Variants in ITPR2 observed in about 807,000 individuals in gnomAD.
ITPR2 encodes the protein inositol 1,4,5-trisphosphate-gated calcium channel ITPR2.
ITPR2 carries 207 observed loss-of-function variants against 317.1 expected under a neutral mutation model. The ratio of observed to expected loss-of-function variants is 0.65; its 90% CI spans 0.58 to 0.73. The LOEUF is 0.73. ITPR2 is among the 30% of genes least tolerant of loss of function. The pLI is 0.00. For synonymous variants in ITPR2, 1,156 were observed against 1,149.1 expected, an observed-to-expected ratio of 1.01 and a Z score of -0.12; for missense variants, 2,613 against 3,284.0, an observed-to-expected ratio of 0.80 and a Z score of 4.99.
chr12:26,400,102 GA>G, intron 53 of ITPR2, 25 bp downstream of exon 53: 1 of 1,576,918 alleles, frequency 6.3e-7, no homozygotes, highest in Non-Finnish European at 8.6e-7. Context: ...TGTGCTCCTT[GA>G]AAAAATACTT....
intron 37 of ITPR2, among the ~76,000 whole-genome samples, chr12:26,539,505 C>T (rs1330378161): frequency 1.3e-5 from 2 of 152,034 alleles, no homozygotes; most frequent in Admixed American, 6.5e-5. Flanking sequence ...CTTGCTTGTT[C>T]CTACTGGATC....
At chr12:26,404,017 C>T (rs1940265660) in intron 52 of ITPR2, among the ~76,000 whole-genome samples, 1 of 152,044 alleles carries the variant, frequency 6.6e-6, no homozygotes. Flanking sequence ...ATATTCAAGG[C>T]AGCGATTTCT....
intron 2 of ITPR2, among the ~76,000 whole-genome samples, chr12:26,738,098 T>C (rs1427503978): frequency 6.6e-6 from 1 of 152,170 alleles, no homozygotes; most frequent in Non-Finnish European, 1.5e-5. Flanking sequence ...GATAGAAGCT[T>C]TACACAGATT....
chr12:26,529,678 G>A (rs1487224859), intron 37 of ITPR2, among the ~76,000 whole-genome samples: 4 of 152,148 alleles, frequency 2.6e-5, no homozygotes, highest in African/African-American at 4.8e-5. Context: ...ATAACCAAAC[G>A]TCTCTAAACT....
At chr12:26,796,044 T>C (rs1199201837) in intron 1 of ITPR2, among the ~76,000 whole-genome samples, 1 of 151,612 alleles carries the variant, frequency 6.6e-6, no homozygotes, top group Non-Finnish European at 1.5e-5. Context: ...ATGTGGTCTA[T>C]GTTCCACTGT....
At chr12:26,419,242 T>C in intron 49 of ITPR2, 29 bp from the exon 50 acceptor site, 1 of 1,601,818 alleles carries the variant, frequency 6.2e-7, no homozygotes, top group Non-Finnish European at 8.5e-7. Flanking sequence ...TACAGATTAC[T>C]GTCTTATTTA....
In ITPR2 at chr12:26,464,171, G is replaced by A. The variant is rs183270267; in HGVS notation, c.6342+11125C>T. The stretch of plus-strand genomic sequence containing the variant: ...AAGCAATTTTTCCATGGACTGGGGC[G>A]TGGGGGGGAATGGTTTTGGGATGAA... On this transcript the variant is annotated intron_variant, in intron 45 of 56. Coordinates refer to ENST00000381340, the MANE Select transcript of ITPR2 (RefSeq NM_002223.4). Among the ~76,000 whole-genome samples the A allele has an allele frequency of 1.3e-3, 201 of 152,268 alleles. 2 individuals carry two copies. In the Middle Eastern group the frequency reaches 0.027, roughly 21 times the overall value.
intron 26 of ITPR2, among the ~76,000 whole-genome samples, chr12:26,615,500 G>C (rs921616363): frequency 1.3e-5 from 2 of 152,014 alleles, no homozygotes; most frequent in African/African-American, 2.4e-5. Flanking sequence ...AATGTAAAAA[G>C]GAAATGAACA....
chr12:26,651,667 T>C (rs941662909), intron 21 of ITPR2, among the ~76,000 whole-genome samples: 3 of 152,204 alleles, frequency 2.0e-5, no homozygotes, highest in Non-Finnish European at 4.4e-5. Context: ...TTCCATTCTG[T>C]TTTGGTCTTA....
At chr12:26,411,110 G>GAAA in intron 52 of ITPR2, 1 of 506,136 alleles carries the variant, frequency 2.0e-6, no homozygotes, top group Non-Finnish European at 3.6e-6. Context: ...CTCCTGAATA[G>GAAA]AAACAATATA....
chr12:26,824,767 C>G lies in ITPR2; in HGVS notation c.92+7923G>C, dbSNP rs150500941. Reference sequence around the variant, plus strand: ...ACTCACCATAAAGGGTCAACCACTGCTAATATGCTGTTCTATTTTCCATAT... The same window carrying G: ...ACTCACCATAAAGGGTCAACCACTGGTAATATGCTGTTCTATTTTCCATAT... On this transcript the variant is annotated intron_variant, in intron 1 of 56. Coordinates refer to ENST00000381340, the MANE Select transcript of ITPR2 (RefSeq NM_002223.4). Among the ~76,000 whole-genome samples the G allele has an allele frequency of 9.3e-3, 1,415 of 152,190 alleles. 17 individuals carry two copies. Among genetic ancestry groups the G allele is most frequent in the African/African-American group, 0.032 (1,325 of 41,510 alleles).
At chr12:26,447,294 A>AAATCAGATGATGGTACAAATTCCAGTATT in intron 45 of ITPR2, among the ~76,000 whole-genome samples, 1 of 152,144 alleles carries the variant, frequency 6.6e-6, no homozygotes, top group Admixed American at 6.6e-5. Flanking sequence ...ATCTGATTAG[A>AAATCAGATGATGGTACAAATTCCAGTATT]AATCAGATGA....
chr12:26,781,902 T>C (rs899340244), intron 2 of ITPR2, among the ~76,000 whole-genome samples: 1 of 151,214 alleles, frequency 6.6e-6, no homozygotes, highest in East Asian at 1.9e-4. Flanking sequence ...GGATGCTTCC[T>C]GCCCTCAAAG....
chr12:26,755,373 G>A (rs1949502005), intron 2 of ITPR2, among the ~76,000 whole-genome samples: 1 of 152,166 alleles, frequency 6.6e-6, no homozygotes, highest in Non-Finnish European at 1.5e-5. Context: ...AAAACTTTCA[G>A]GACTCATGGA....
At position 26,387,526 on chromosome 12, in the gene ITPR2, T is replaced by C. The variant is rs1939701029; in HGVS notation, c.7765A>G (p.Met2589Val). 6.2e-7 allele frequency: 1 copy of C among 1,613,858 alleles called. No individual in the cohort carries two copies. Among genetic ancestry groups the C allele is most frequent in the Non-Finnish European group, 8.5e-7 (1 of 1,179,838 alleles). ...FEEHIKSEHNMWHYLYFIVLV... is the reference protein window; with the variant it reads ...FEEHIKSEHNVWHYLYFIVLV... ...ACTATGAAGTACAAATAATGCCACA[T>C]ATTGTGTTCTGACTTAATGTGCTCC... is the stretch of plus-strand genomic sequence containing the variant. Residue 2589 changes from methionine to valine, a missense_variant, in exon 55 of 57, where the codon ATG becomes GTG. Met to Val is a conservative substitution (Grantham distance 21). This residue lies in a region of ITPR2 where 119 missense variants were observed against 144.3 expected (regional missense o/e 0.82). Transcript: ENST00000381340.
intron 37 of ITPR2, among the ~76,000 whole-genome samples, chr12:26,535,746 C>T (rs940028207): frequency 3.9e-5 from 6 of 152,276 alleles, no homozygotes; most frequent in Middle Eastern, 3.4e-3. Flanking sequence ...TCAAATTAGA[C>T]ATTATATGGC....
intron 8 of ITPR2, among the ~76,000 whole-genome samples, chr12:26,714,882 G>T (rs1450349204): frequency 6.6e-6 from 1 of 152,154 alleles, no homozygotes; most frequent in Admixed American, 6.5e-5. Flanking sequence ...AATAAACATT[G>T]TTCTCCTCAG....
intron 55 of ITPR2, among the ~76,000 whole-genome samples, chr12:26,354,829 C>A (rs114735035): frequency 6.6e-6 from 1 of 152,024 alleles, no homozygotes; most frequent in African/African-American, 2.4e-5. Flanking sequence ...CCATCTAACA[C>A]GCCCAGCTAA....
At chr12:26,730,596 T>G (rs146337097) in intron 2 of ITPR2, among the ~76,000 whole-genome samples, 1 of 152,194 alleles carries the variant, frequency 6.6e-6, no homozygotes, top group Non-Finnish European at 1.5e-5. Context: ...AGCCAACAAT[T>G]TGCAGAATTA....
Sources: gnomAD v4.1 joint callset for allele counts (sites outside exome capture counted in the v4.1 genomes callset) on GRCh38, gnomAD v4.1.1 for gene constraint, gnomAD v4.1.1 regional missense constraint, MANE v1.5 for transcripts, NCBI Gene and HGNC (gene_info 2026-07-23, HGNC 2026-07-21) for gene names.